ZNF257: variants seen among roughly 807,000 people sequenced by gnomAD.
The protein encoded by ZNF257 is bone marrow zinc finger 4.
A neutral mutation model predicts 11.9 loss-of-function variants in ZNF257; 12 were observed. The observed-to-expected ratio is 1.01, with a 90% CI of 0.65 to 1.63. ZNF257 has a LOEUF of 1.63. Ranked by LOEUF, ZNF257 falls within the 40% of genes most tolerant of loss-of-function variation. The pLI is 0.00. For synonymous variants in ZNF257, 183 were observed against 222.7 expected (o/e 0.82, Z 1.59); for missense variants, 580 against 665.5 (o/e 0.87, Z 1.41).
At chr19:22,079,165 T>C (rs1012183775) in intron 3 of ZNF257, among the ~76,000 whole-genome samples, 6 of 152,164 alleles carry the variant, frequency 3.9e-5, no homozygotes, top group Non-Finnish European at 7.3e-5. Flanking sequence ...GGCAACTTTG[T>C]GGAAGATCAT....
At chr19:22,058,489 T>G (rs971127277) in intron 1 of ZNF257, among the ~76,000 whole-genome samples, 1 of 152,146 alleles carries the variant, frequency 6.6e-6, no homozygotes, top group African/African-American at 2.4e-5. Flanking sequence ...GTAAAGAGAA[T>G]ACTGTGGTAC....
intron 3 of ZNF257, among the ~76,000 whole-genome samples, chr19:22,078,531 C>G (rs147115194): frequency 6.6e-6 from 1 of 151,908 alleles, no homozygotes; most frequent in Non-Finnish European, 1.5e-5. Flanking sequence ...GGCATTGTCA[C>G]TCTATTGAAT....
At chr19:22,072,432 ATTC>A (rs2022125236) in intron 1 of ZNF257, among the ~76,000 whole-genome samples, 2 of 152,196 alleles carry the variant, frequency 1.3e-5, no homozygotes, top group South Asian at 4.1e-4. Flanking sequence ...TTGACAAAAT[ATTC>A]TTCTTGGGCC....
intron 1 of ZNF257, among the ~76,000 whole-genome samples, chr19:22,062,774 G>T (rs1447087583): frequency 6.6e-6 from 1 of 152,054 alleles, no homozygotes; most frequent in East Asian, 1.9e-4. Flanking sequence ...CTCCACTCCT[G>T]GCCAGCCACT....
rs955156958 is a variant in ZNF257, at chr19:22,090,699, T to G, written c.*1257T>G. ...TAGACATTTCTTTGAGAAGTCATAA[T>G]TAAATTCAAGTATACTTTTTTGATA... On this transcript the variant is annotated 3_prime_UTR_variant, in exon 4 of 4. Coordinates refer to ENST00000594947, the MANE Select transcript of ZNF257 (RefSeq NM_033468.4). The G allele has an allele frequency of 8.5e-5, 13 of 152,174 alleles. No homozygotes were observed. The highest frequency in any genetic ancestry group is 3.1e-4 in the African/African-American group (13 of 41,438). 9.4% of individuals were successfully genotyped at this position (152,174 alleles called of 1,614,324 possible).
intron 1 of ZNF257, among the ~76,000 whole-genome samples, chr19:22,068,156 CT>C (rs758701719): frequency 0.21 from 25,427 of 121,046 alleles, 1,327 homozygotes; most frequent in South Asian, 0.37. Context: ...CTCTGTCCCT[CT>C]TTTTTTTTTT....
At chr19:22,054,092 A>T (rs1286704758) in intron 1 of ZNF257, among the ~76,000 whole-genome samples, 8 of 147,784 alleles carry the variant, frequency 5.4e-5, no homozygotes, top group African/African-American at 2.0e-4. Flanking sequence ...TTTTTTTTTA[A>T]GAAGGAGTTT....
chr19:22,085,690 G>A (rs902515716), intron 3 of ZNF257, among the ~76,000 whole-genome samples: 5 of 147,970 alleles, frequency 3.4e-5, no homozygotes, highest in East Asian at 2.0e-4. Context: ...ACACACACAT[G>A]CACACACACA....
At chr19:22,058,084 A>C (rs949806550) in intron 1 of ZNF257, among the ~76,000 whole-genome samples, 31 of 152,060 alleles carry the variant, frequency 2.0e-4, no homozygotes, top group Non-Finnish European at 3.4e-4. Context: ...TTTTTATATG[A>C]GAAAAAGAAG....
At chr19:22,058,895 C>G (rs1197600021) in intron 1 of ZNF257, among the ~76,000 whole-genome samples, 3 of 144,918 alleles carry the variant, frequency 2.1e-5, no homozygotes, top group Non-Finnish European at 4.6e-5. Context: ...CATTTTTATC[C>G]TAATGTTTTT....
intron 1 of ZNF257, among the ~76,000 whole-genome samples, chr19:22,069,528 T>C (rs975262904): frequency 6.6e-6 from 1 of 151,914 alleles, no homozygotes; most frequent in Non-Finnish European, 1.5e-5. Context: ...AGCAGGAGAA[T>C]TGCCTGAACC....
chr19:22,070,307 T>C (rs1177048687), intron 1 of ZNF257, among the ~76,000 whole-genome samples: 1 of 139,256 alleles, frequency 7.2e-6, no homozygotes, highest in African/African-American at 3.2e-5. Flanking sequence ...ATCCCTCTCA[T>C]CTATCTATTT....
chr19:22,078,840 T>G (rs1287791017), intron 3 of ZNF257, among the ~76,000 whole-genome samples: 1 of 150,272 alleles, frequency 6.7e-6, no homozygotes, highest in African/African-American at 2.5e-5. Flanking sequence ...TTGCCCAGGC[T>G]GGAGTGCAAT....
chr19:22,078,437 T>A (rs1388811676), intron 3 of ZNF257, among the ~76,000 whole-genome samples: 1 of 152,086 alleles, frequency 6.6e-6, no homozygotes, highest in Non-Finnish European at 1.5e-5. Context: ...TCAACTGTAT[T>A]GTTTAGTTTT....
intron 3 of ZNF257, among the ~76,000 whole-genome samples, chr19:22,077,620 T>C (rs1015285889): frequency 6.6e-6 from 1 of 152,158 alleles, no homozygotes; most frequent in African/African-American, 2.4e-5. Flanking sequence ...TGAGGCTGAA[T>C]AATATTTCAT....
intron 3 of ZNF257, among the ~76,000 whole-genome samples, chr19:22,084,195 A>T (rs1327871063): frequency 6.6e-6 from 1 of 151,886 alleles, no homozygotes; most frequent in East Asian, 1.9e-4. Flanking sequence ...ATTTCAAATT[A>T]TATCTATTGA....
chr19:22,057,953 G>A (rs537910591), intron 1 of ZNF257, among the ~76,000 whole-genome samples: 2 of 152,182 alleles, frequency 1.3e-5, no homozygotes, highest in South Asian at 4.2e-4. Context: ...TAGAGACGGG[G>A]GTTTCACCAT....
rs141123787 is a variant in ZNF257, at chr19:22,078,407, C to T, written c.226+4843C>T. Reference sequence around the variant, plus strand: ...ATAAGAATTTTGTTCAATTATTTGACCATTTCTAAATCAACTTATTCAACT... The same window carrying T: ...ATAAGAATTTTGTTCAATTATTTGATCATTTCTAAATCAACTTATTCAACT... On this transcript the variant is annotated intron_variant, in intron 3 of 3. Coordinates refer to ENST00000594947, the MANE Select transcript of ZNF257 (RefSeq NM_033468.4). Among the ~76,000 whole-genome samples the T allele has an allele frequency of 2.5e-3, 384 of 151,894 alleles. 3 individuals carry two copies. Among genetic ancestry groups the T allele is most frequent in the African/African-American group, 9.0e-3 (371 of 41,416 alleles).
chr19:22,072,997 T>A, intron 2 of ZNF257, 62 bp downstream of exon 2: 1 of 1,433,602 alleles, frequency 7.0e-7, no homozygotes, highest in Non-Finnish European at 9.2e-7. Flanking sequence ...TTTATTTATT[T>A]TTTTTTTTGT....
Sources: gnomAD v4.1 joint callset for allele counts (sites outside exome capture counted in the v4.1 genomes callset) on GRCh38, gnomAD v4.1.1 for gene constraint, MANE v1.5 for transcripts, NCBI Gene and HGNC (gene_info 2026-07-23, HGNC 2026-07-21) for gene names.